NLRP11: variants seen among roughly 807,000 people sequenced by gnomAD.
NLRP11 encodes the protein NACHT, LRR and PYD domains-containing protein 11.
NLRP11 carries 53 observed loss-of-function variants against 79.3 expected under a neutral mutation model. The ratio of observed to expected loss-of-function variants is 0.67; its 90% CI spans 0.54 to 0.84. The LOEUF (loss-of-function observed/expected upper bound fraction) is 0.84, where lower values mean the gene tolerates loss of function less well. NLRP11 is among the 40% of genes least tolerant of loss of function. The pLI is 0.00. For missense variants in NLRP11, 1,264 were observed against 1,255.0 expected (o/e 1.01, Z -0.11); for synonymous variants, 518 against 462.6 (o/e 1.12, Z -1.54).
At chr19:55,833,916 A>G (rs1983020438), upstream of NLRP11, among the ~76,000 whole-genome samples, 1 of 151,862 alleles carries the variant, frequency 6.6e-6, no homozygotes, top group South Asian at 2.1e-4. Flanking sequence ...TGAACTATTC[A>G]TTAAATGGAG....
exon 3 of NLRP11, chr19:55,808,995 A>T (rs758973614): frequency 1.9e-6 from 3 of 1,614,174 alleles, no homozygotes; most frequent in South Asian, 2.2e-5. Flanking sequence ...TGGTGCGTCA[A>T]CTTTTCCGGG....
At chr19:55,785,681 G>C in exon 10 of NLRP11, 1 of 1,614,016 alleles carries the variant, frequency 6.2e-7, no homozygotes, top group Non-Finnish European at 8.5e-7. Flanking sequence ...GACATTCTGG[G>C]AAATTTGAAA....
At chr19:55,806,867 T>A (rs1467494878) in intron 4 of NLRP11, among the ~76,000 whole-genome samples, 2 of 152,102 alleles carry the variant, frequency 1.3e-5, no homozygotes, top group Admixed American at 1.3e-4. Flanking sequence ...ATCCCTCCCA[T>A]CCCAGGGGAT....
intron 1 of NLRP11, among the ~76,000 whole-genome samples, chr19:55,830,855 G>A (rs1600209015): frequency 6.6e-6 from 1 of 152,024 alleles, no homozygotes; most frequent in South Asian, 2.1e-4. Context: ...CATCAGATTA[G>A]CTGATCACCG....
intron 9 of NLRP11, among the ~76,000 whole-genome samples, chr19:55,786,673 A>C (rs941199927): frequency 6.6e-6 from 1 of 152,222 alleles, no homozygotes. Flanking sequence ...GTAGGCACAA[A>C]TACCTTTATA....
chr19:55,813,911 G>A (rs1173394209), intron 2 of NLRP11, among the ~76,000 whole-genome samples: 1 of 152,082 alleles, frequency 6.6e-6, no homozygotes, highest in East Asian at 1.9e-4. Context: ...GAAACCCTCA[G>A]TAGATAGTGG....
chr19:55,820,099 A>G (rs1172957204), intron 1 of NLRP11, among the ~76,000 whole-genome samples: 1 of 152,120 alleles, frequency 6.6e-6, no homozygotes, highest in Non-Finnish European at 1.5e-5. Context: ...AAGAACTATG[A>G]CACCCTCTTC....
chr19:55,812,328 C>G (rs1002192412), intron 2 of NLRP11, among the ~76,000 whole-genome samples: 1 of 152,034 alleles, frequency 6.6e-6, no homozygotes, highest in Non-Finnish European at 1.5e-5. Flanking sequence ...ATGGCACACA[C>G]AGAAGAAAGG....
chr19:55,818,929 T>A (rs1981402582), intron 1 of NLRP11, among the ~76,000 whole-genome samples: 1 of 152,110 alleles, frequency 6.6e-6, no homozygotes. Flanking sequence ...ATACAACCAA[T>A]TGTTTTAAAC....
upstream of NLRP11, among the ~76,000 whole-genome samples, chr19:55,835,102 C>T (rs912080765): frequency 5.3e-5 from 8 of 152,084 alleles, no homozygotes; most frequent in East Asian, 1.5e-3. Flanking sequence ...GTTATGGTTA[C>T]AGTAATTCCT....
chr19:55,832,675 G>T (rs1429635503), upstream of NLRP11, among the ~76,000 whole-genome samples: 1 of 152,106 alleles, frequency 6.6e-6, no homozygotes, highest in Non-Finnish European at 1.5e-5. Context: ...GTGCAAAAGG[G>T]GAAATATAAA....
chr19:55,812,636 G>A (rs1256669567), intron 2 of NLRP11, among the ~76,000 whole-genome samples: 3 of 152,138 alleles, frequency 2.0e-5, no homozygotes, highest in East Asian at 1.9e-4. Context: ...CCTTGTGCAC[G>A]GTGTGTGGGG....
At chr19:55,827,632 A>C (rs1689278818) in intron 1 of NLRP11, among the ~76,000 whole-genome samples, 1 of 137,218 alleles carries the variant, frequency 7.3e-6, no homozygotes, top group South Asian at 2.2e-4. Context: ...TCTCAAAAGA[A>C]GACATTTATG....
At position 55,788,879 on chromosome 19, in the gene NLRP11, T is replaced by C. The variant is rs760349959; in HGVS notation, c.2783A>G (p.His928Arg). Residue 928 changes from histidine to arginine, a missense_variant, in exon 9 of 10, where the codon CAC (histidine) becomes CGC (arginine). Coordinates refer to ENST00000589093, the Ensembl canonical transcript of NLRP11. Reference sequence around the variant, plus strand: ...TTTTGCAACTCCATCATTGCCCAAGTGATTTTGAAGCAAGTTGAGTCTTTC... The same window carrying C: ...TTTTGCAACTCCATCATTGCCCAAGCGATTTTGAAGCAAGTTGAGTCTTTC... The C allele has an allele frequency of 5.6e-6, 9 of 1,613,130 alleles. No homozygotes were observed. The highest frequency in any genetic ancestry group is 7.6e-6 in the Non-Finnish European group (9 of 1,179,876).
At chr19:55,792,494 C>A in intron 6 of NLRP11, 23 bp from the exon 7 acceptor site, 2 of 1,609,620 alleles carry the variant, frequency 1.2e-6, no homozygotes, top group South Asian at 2.2e-5. Context: ...AAGAGTGAGT[C>A]AGTGACAGTG....
exon 7 of NLRP11, chr19:55,792,393 T>C (rs1229705217): frequency 1.2e-6 from 2 of 1,614,016 alleles, no homozygotes; most frequent in East Asian, 2.2e-5. Flanking sequence ...ACAGGTCTAG[T>C]TGTCTTAGAG....
intron 2 of NLRP11, among the ~76,000 whole-genome samples, chr19:55,811,783 G>A (rs11878824): frequency 0.016 from 2,396 of 152,246 alleles, 46 homozygotes; most frequent in East Asian, 0.074. Context: ...TTTGGAAGAT[G>A]TCTATTTAGG....
At chr19:55,813,628 A>G (rs562810145) in intron 2 of NLRP11, among the ~76,000 whole-genome samples, 11 of 152,352 alleles carry the variant, frequency 7.2e-5, no homozygotes, top group African/African-American at 2.4e-4. Context: ...CAATTTGGAG[A>G]GAAGTAAACA....
chr19:55,822,504 G>A (rs144113713), intron 1 of NLRP11, among the ~76,000 whole-genome samples: 6,941 of 152,160 alleles, frequency 0.046, 415 homozygotes, highest in African/African-American at 0.13. Context: ...TGAGGTACCG[G>A]GTTCATCTCA....
Sources: gnomAD v4.1 joint callset for allele counts (sites outside exome capture counted in the v4.1 genomes callset) on GRCh38, gnomAD v4.1.1 for gene constraint, MANE v1.5 for transcripts, NCBI Gene and HGNC (gene_info 2026-07-23, HGNC 2026-07-21) for gene names.